Variants in LAMA5 observed in about 807,000 individuals in gnomAD.
LAMA5 encodes the protein laminin subunit alpha 5, also known as laminin subunit alpha-5.
Under a neutral mutation model 433.4 loss-of-function variants are expected in LAMA5, and 260 were observed. The observed-to-expected ratio is 0.60, with a 90% CI of 0.54 to 0.66. LAMA5 has a LOEUF of 0.66. Ranked by LOEUF, LAMA5 falls within the 30% of genes least tolerant of loss-of-function variation. The pLI, the probability that LAMA5 is intolerant of heterozygous loss-of-function variation, is 0.00. For missense variants in LAMA5, 5,378 were observed against 5,258.5 expected (o/e 1.02, Z -0.70); for synonymous variants, 2,620 against 2,226.6 (o/e 1.18, Z -4.97).
At chr20:62,343,541 T>C (rs1455869656) in intron 11 of LAMA5, among the ~76,000 whole-genome samples, 1 of 152,152 alleles carries the variant, frequency 6.6e-6, no homozygotes, top group Admixed American at 6.5e-5. Flanking sequence ...TTTGGGAGGC[T>C]GAGGCGGGCA....
Position 62,312,924 on chromosome 20 carries a change from C to A in LAMA5, c.9042G>T (p.Leu3014=). ...FGAGLKKAVP[L]QPPPPLTSAS... ...CCGAGGTCAGGGGCGGTGGGGGCTGCAGTGGGACGGCCTTTTTCAGGCCAG... is the reference window on the plus strand; with the variant it reads ...CCGAGGTCAGGGGCGGTGGGGGCTGAAGTGGGACGGCCTTTTTCAGGCCAG... The change falls in exon 66 of 80, where the codon CTG becomes CTT. Residue 3014 remains leucine, a synonymous_variant. Coordinates refer to ENST00000252999, the MANE Select transcript of LAMA5 (RefSeq NM_005560.6). The A allele has an allele frequency of 6.3e-7, 1 of 1,581,530 alleles. No homozygotes were observed. Among genetic ancestry groups the A allele is most frequent in the Non-Finnish European group, 8.6e-7 (1 of 1,161,802 alleles).
intron 41 of LAMA5, chr20:62,325,107 A>AGACAGGCGGATGAGG: frequency 1.9e-6 from 1 of 527,568 alleles, no homozygotes; most frequent in South Asian, 2.3e-5. Context: ...GATGAGGGGC[A>AGACAGGCGGATGAGG]GGCAGGCGGA....
At chr20:62,354,221 G>A (rs981881974) in intron 2 of LAMA5, among the ~76,000 whole-genome samples, 1 of 152,042 alleles carries the variant, frequency 6.6e-6, no homozygotes, top group Non-Finnish European at 1.5e-5. Flanking sequence ...CCTGACTGCA[G>A]CCCCTCCCCC....
At position 62,334,870 on chromosome 20, in the gene LAMA5, C is replaced by T. The variant is rs112006895; in HGVS notation, c.2482+151G>A. The T allele has an allele frequency of 4.3e-3, 3,267 of 756,596 alleles. 87 individuals are homozygous for T. The African/African-American group carries it at 0.048, about 11-fold the overall frequency. 46.9% of individuals were successfully genotyped at this position (756,596 alleles called of 1,614,324 possible). ...GGTGGGAGCTGCACCCCCTCTCCCA[C>T]ACCCTGGCACAGGCTGGCACCAAGG... On this transcript the variant is annotated intron_variant, in intron 20 of 79. Coordinates refer to ENST00000252999, the MANE Select transcript of LAMA5 (RefSeq NM_005560.6).
chr20:62,328,445 G>A lies in LAMA5; in HGVS notation c.4448C>T (p.Pro1483Leu). 6.7e-7 allele frequency: 1 copy of A among 1,489,390 alleles called. No homozygotes were observed. The highest frequency in any genetic ancestry group is 9.0e-7 in the Non-Finnish European group (1 of 1,112,336). The allele number at this position is 1,489,390 out of a possible 1,614,324, so 92.3% of individuals were successfully genotyped here. A position where few individuals can be genotyped will look rare whatever the true frequency, so the allele number is the denominator to read the frequency against. Reference sequence around the variant, plus strand: ...ACAGAGGCGGGCACCGCAGTCACAGGCTGTGGGGCGGGTACAGGGTTTACT... The same window carrying A: ...ACAGAGGCGGGCACCGCAGTCACAGACTGTGGGGCGGGTACAGGGTTTACT... ...TGYWGFPNCR[P>L]CDCGARLCDE... Residue 1483 changes from proline to leucine, a missense_variant and splice_region_variant, in exon 35 of 80, where the codon CCC becomes CTC. By Grantham distance (98) the Pro-to-Leu change is moderately conservative (BLOSUM62 -3). Transcript: ENST00000252999.
At chr20:62,329,625 C>T (rs780420647) in intron 32 of LAMA5, 152 bp downstream of exon 32, 27 of 939,938 alleles carry the variant, frequency 2.9e-5, no homozygotes, top group African/African-American at 1.2e-4. Flanking sequence ...CAAGGTGGAT[C>T]GGGAGGTCCC....
chr20:62,325,415 C>A lies in LAMA5; in HGVS notation c.5430G>T (p.Arg1810Ser), dbSNP rs1979111431. Reference protein sequence around the residue: ...SQISSAVFLRRVALEVASPAG... With the variant: ...SQISSAVFLRSVALEVASPAG... The stretch of plus-strand genomic sequence containing the variant: ...CTGGGCTGGCCACCTCCAGTGCCAC[C>A]CTGCGCAGGAAGACAGCCGAGGAGA... Residue 1810 changes from arginine (R) to serine (S), a missense_variant, in exon 41 of 80, where the codon AGG becomes AGT. Arg to Ser is a moderately radical substitution (Grantham distance 110, BLOSUM62 -1). Transcript: ENST00000252999. The A allele has an allele frequency of 6.2e-7, 1 of 1,612,226 alleles. No individual in the cohort carries two copies. Among genetic ancestry groups the A allele is most frequent in the Non-Finnish European group, 8.5e-7 (1 of 1,179,466 alleles).
rs375304709 is a variant in LAMA5 at position 62,332,624 on chromosome 20, C to T, written c.3376G>A (p.Val1126Met). ...ANEDARQEVG[V>M]AVHTPQRAPQ... ...GCCCGCTGTGGGGTGTGCACGGCCACGCCCACCTCCTGGCGGGCATCCTCA... is the reference window on the plus strand; with the variant it reads ...GCCCGCTGTGGGGTGTGCACGGCCATGCCCACCTCCTGGCGGGCATCCTCA... The change falls in exon 27 of 80, where the codon GTG becomes ATG. Residue 1126 changes from valine (V) to methionine (M), a missense_variant. Transcript: ENST00000252999. 3.1e-5 allele frequency: 49 copies of T among 1,605,920 alleles called. No homozygotes were observed. Among genetic ancestry groups the T allele is most frequent in the Non-Finnish European group, 4.0e-5 (47 of 1,176,624 alleles).
At chr20:62,317,134 C>G in intron 55 of LAMA5, 111 bp from the exon 56 acceptor site, 1 of 1,309,742 alleles carries the variant, frequency 7.6e-7, no homozygotes, top group South Asian at 1.5e-5. Context: ...CGCCAAGTCC[C>G]GCCTCCAGGT....
At chr20:62,320,067 C>G (rs538218860) in intron 50 of LAMA5, among the ~76,000 whole-genome samples, 97 of 152,042 alleles carry the variant, frequency 6.4e-4, no homozygotes, top group African/African-American at 2.3e-3. Context: ...GTCTGTAATC[C>G]CAGCACTTTG....
chr20:62,329,367 AGCCCAGCCCAGCC>A, intron 32 of LAMA5, 114 bp from the exon 33 acceptor site: 6 of 51,308 alleles, frequency 1.2e-4, no homozygotes, highest in Non-Finnish European at 1.8e-4. Context: ...TGGCAGCAGC[AGCCCAGCCCAGCC>A]CAGCCCAGCC....
intron 43 of LAMA5, 94 bp from the exon 44 acceptor site, chr20:62,323,950 C>T (rs2146135462): frequency 5.5e-6 from 8 of 1,443,768 alleles, no homozygotes; most frequent in African/African-American, 1.4e-5. Flanking sequence ...CGCCAGGCGT[C>T]GGGGGCCCAG....
chr20:62,314,324 G>T lies in LAMA5; in HGVS notation c.8484C>A (p.Phe2828Leu). The change falls in exon 62 of 80, where the codon TTC (phenylalanine) becomes TTA (leucine). Residue 2828 changes from phenylalanine (F) to leucine (L), a missense_variant. Phe to Leu is a conservative substitution (Grantham distance 22). Transcript: ENST00000252999. Reference sequence around the variant, plus strand: ...CCCACCTGTCCAGGCTGACAGCTGCGAACTGCTCCCCAATGTCCTCATCGA... The same window carrying T: ...CCCACCTGTCCAGGCTGACAGCTGCTAACTGCTCCCCAATGTCCTCATCGA... ...LSIDEDIGEQ[F>L]AAVSLDRTLQ... The T allele has an allele frequency of 6.2e-7, 1 of 1,613,186 alleles. No individual in the cohort carries two copies.
At chr20:62,343,825 AG>A (rs1306742133) in intron 11 of LAMA5, among the ~76,000 whole-genome samples, 1 of 148,480 alleles carries the variant, frequency 6.7e-6, no homozygotes, top group African/African-American at 2.4e-5. Context: ...TCAAGCTTAC[AG>A]AGTAGTCAAA....
intron 9 of LAMA5, 128 bp downstream of exon 9, chr20:62,346,378 G>C: frequency 7.4e-7 from 1 of 1,358,444 alleles, no homozygotes; most frequent in East Asian, 2.5e-5. Flanking sequence ...CCGTGGCCTG[G>C]GAGGCTCCTT....
At chr20:62,317,610 G>A in intron 54 of LAMA5, 52 bp downstream of exon 54, 2 of 1,519,494 alleles carry the variant, frequency 1.3e-6, no homozygotes, top group Non-Finnish European at 1.8e-6. Flanking sequence ...ACGGGCCTGG[G>A]AGGGAGTTGG....
At chr20:62,319,120 G>A (rs1486318562) in intron 51 of LAMA5, 107 bp from the exon 52 acceptor site, 6 of 1,266,450 alleles carry the variant, frequency 4.7e-6, no homozygotes, top group Non-Finnish European at 6.3e-6. Flanking sequence ...GGCAGGCCAG[G>A]GGCCCGGAAC....
chr20:62,357,310 G>T (rs1374708530), intron 2 of LAMA5, among the ~76,000 whole-genome samples: 3 of 152,178 alleles, frequency 2.0e-5, no homozygotes, highest in Non-Finnish European at 4.4e-5. Context: ...CAATTCCCGG[G>T]GCAGGAAAAG....
At chr20:62,348,007 C>T (rs1275190271) in intron 6 of LAMA5, among the ~76,000 whole-genome samples, 3 of 152,202 alleles carry the variant, frequency 2.0e-5, no homozygotes, top group African/African-American at 7.2e-5. Context: ...GCTGCTCTGT[C>T]GTCACACCAG....
Sources: allele counts gnomAD v4.1 joint callset (sites outside exome capture counted in the v4.1 genomes callset), GRCh38; gene constraint gnomAD v4.1.1; transcripts MANE v1.5; gene names NCBI Gene and HGNC (gene_info 2026-07-23, HGNC 2026-07-21).